Variants in GNG2 observed in about 807,000 individuals in gnomAD.
The protein encoded by GNG2 is G protein subunit gamma 2.
In GNG2, 5 loss-of-function variants were observed where a neutral mutation model predicts 5.5. The ratio of observed to expected loss-of-function variants is 0.91; its 90% CI spans 0.48 to 1.92. The LOEUF (loss-of-function observed/expected upper bound fraction) is 1.92. Among genes scored for constraint, GNG2 ranks in the 30% most tolerant of loss-of-function variants. The pLI is 0.01. For missense variants in GNG2, 55 were observed against 88.4 expected (o/e 0.62, Z 1.52); for synonymous variants, 28 against 32.0 (o/e 0.88, Z 0.42).
intron 1 of GNG2, among the ~76,000 whole-genome samples, chr14:51,873,172 GTC>G (rs539142423): frequency 8.3e-4 from 127 of 152,278 alleles, no homozygotes; most frequent in Non-Finnish European, 1.7e-3. Flanking sequence ...GATTTGATGA[GTC>G]TCTCTTCATC....
At chr14:51,863,034 C>T (rs1402970424) in intron 1 of GNG2, among the ~76,000 whole-genome samples, 1 of 146,540 alleles carries the variant, frequency 6.8e-6, no homozygotes, top group Non-Finnish European at 1.5e-5. Flanking sequence ...GGAAACATGA[C>T]TCCATTATTT....
At chr14:51,938,094 C>T (rs534408624) in intron 2 of GNG2, among the ~76,000 whole-genome samples, 4 of 152,206 alleles carry the variant, frequency 2.6e-5, no homozygotes, top group Admixed American at 6.5e-5. Flanking sequence ...ACATTAAGCA[C>T]GCAGTAAATC....
intron 2 of GNG2, among the ~76,000 whole-genome samples, chr14:51,841,264 G>T (rs1340984077): frequency 2.0e-5 from 3 of 152,192 alleles, no homozygotes; most frequent in Non-Finnish European, 2.9e-5. Context: ...TGAATCAGCT[G>T]CAACAGGCCC....
intron 2 of GNG2, among the ~76,000 whole-genome samples, chr14:51,924,827 G>A (rs534363216): frequency 3.9e-5 from 6 of 152,298 alleles, no homozygotes; most frequent in East Asian, 3.9e-4. Flanking sequence ...CCTCGTGCAC[G>A]TCTGACAATG....
intron 2 of GNG2, among the ~76,000 whole-genome samples, chr14:51,845,681 G>T (rs1881603193): frequency 6.6e-6 from 1 of 152,100 alleles, no homozygotes; most frequent in Non-Finnish European, 1.5e-5. Flanking sequence ...CATCCCAGAT[G>T]TCAGAATATC....
At chr14:51,937,072 G>C (rs2140256570) in intron 2 of GNG2, among the ~76,000 whole-genome samples, 1 of 152,238 alleles carries the variant, frequency 6.6e-6, no homozygotes, top group Admixed American at 6.5e-5. Context: ...GCAAGTAAAA[G>C]GAAAGGTTGC....
intron 2 of GNG2, among the ~76,000 whole-genome samples, chr14:51,938,692 CAG>C (rs930757181): frequency 9.2e-5 from 14 of 152,172 alleles, no homozygotes; most frequent in South Asian, 2.1e-4. Context: ...TGATGGCAAA[CAG>C]TGAATTTCAC....
chr14:51,867,487 T>C (rs553116153), intron 1 of GNG2, among the ~76,000 whole-genome samples: 1 of 152,342 alleles, frequency 6.6e-6, no homozygotes, highest in East Asian at 1.9e-4. Flanking sequence ...ACAATTCAAC[T>C]TCACTGTCTT....
At chr14:51,877,690 T>C (rs951682015) in intron 2 of GNG2, 33 bp downstream of exon 2, 3 of 452,084 alleles carry the variant, frequency 6.6e-6, no homozygotes, top group Admixed American at 4.8e-5. Context: ...TTCTAGAATC[T>C]TGAATTTAAC....
chr14:51,874,685 C>T (rs922120224), intron 1 of GNG2, among the ~76,000 whole-genome samples: 1 of 150,628 alleles, frequency 6.6e-6, no homozygotes, highest in Non-Finnish European at 1.5e-5. Flanking sequence ...CAGTGAGCCA[C>T]GTTCACACCA....
At chr14:51,965,813 G>T (rs1889859593) in intron 3 of GNG2, among the ~76,000 whole-genome samples, 1 of 152,134 alleles carries the variant, frequency 6.6e-6, no homozygotes, top group African/African-American at 2.4e-5. Flanking sequence ...TGTGTGGAAA[G>T]CTTGCTATGT....
intron 3 of GNG2, among the ~76,000 whole-genome samples, chr14:51,960,762 C>T (rs1023278371): frequency 5.9e-5 from 9 of 152,148 alleles, no homozygotes; most frequent in Non-Finnish European, 2.9e-5. Flanking sequence ...GGCTATGTGG[C>T]ATCACTAATG....
intron 2 of GNG2, among the ~76,000 whole-genome samples, chr14:51,913,649 A>G (rs1237249762): frequency 6.6e-6 from 1 of 152,202 alleles, no homozygotes; most frequent in East Asian, 1.9e-4. Flanking sequence ...AGAAGCAGAG[A>G]TGTAGAGAGG....
intron 2 of GNG2, among the ~76,000 whole-genome samples, chr14:51,892,906 AT>A (rs1884951799): frequency 6.6e-6 from 1 of 152,240 alleles, no homozygotes; most frequent in African/African-American, 2.4e-5. Flanking sequence ...TTGTCTGGAA[AT>A]TTTTCAAATA....
intron 2 of GNG2, among the ~76,000 whole-genome samples, chr14:51,850,372 C>A (rs1378336064): frequency 8.5e-5 from 13 of 152,052 alleles, no homozygotes; most frequent in Admixed American, 8.5e-4. Flanking sequence ...AAAAAATAAA[C>A]CCCTCCCTCC....
intron 2 of GNG2, among the ~76,000 whole-genome samples, chr14:51,832,478 A>C (rs911338504): frequency 2.0e-5 from 3 of 152,218 alleles, no homozygotes; most frequent in Admixed American, 2.0e-4. Context: ...AATAATTTGC[A>C]TCACTATAGA....
chr14:51,916,392 G>A (rs1247755138), intron 2 of GNG2: 1 of 436,780 alleles, frequency 2.3e-6, no homozygotes, highest in Admixed American at 2.6e-5. Context: ...GTGGGAAAAC[G>A]TGCACATTGG....
chr14:51,867,124 G>A (rs937873912), intron 1 of GNG2, among the ~76,000 whole-genome samples: 2 of 152,020 alleles, frequency 1.3e-5, no homozygotes, highest in Non-Finnish European at 2.9e-5. Flanking sequence ...ACCTCTCTGC[G>A]GGCTCCAACT....
chr14:51,861,951 G>C (rs1335428666), intron 1 of GNG2, among the ~76,000 whole-genome samples: 1 of 152,172 alleles, frequency 6.6e-6, no homozygotes. Context: ...ACTGCTTATA[G>C]TGGAGTAAAA....
Sources: allele counts gnomAD v4.1 joint callset (sites outside exome capture counted in the v4.1 genomes callset), GRCh38; gene constraint gnomAD v4.1.1; transcripts MANE v1.5; gene names NCBI Gene and HGNC (gene_info 2026-07-23, HGNC 2026-07-21).